FCMR: variants seen among roughly 807,000 people sequenced by gnomAD.
FCMR encodes the protein immunoglobulin mu Fc receptor.
In FCMR, 34 loss-of-function variants were observed where a neutral mutation model predicts 41.6. That is an observed-to-expected ratio of 0.82 (90% CI 0.62 to 1.09). The LOEUF is 1.09. Ranked by LOEUF, FCMR falls within the 50% of genes least tolerant of loss-of-function variation. The pLI is 0.00. For missense variants in FCMR, 496 were observed against 512.5 expected (o/e 0.97, Z 0.31); for synonymous variants, 209 against 211.8 (o/e 0.99, Z 0.12).
intron 1 of FCMR, among the ~76,000 whole-genome samples, chr1:206,915,034 C>A (rs1679127819): frequency 6.6e-6 from 1 of 152,366 alleles, no homozygotes; most frequent in Non-Finnish European, 1.5e-5. Context: ...TATGTTGCAA[C>A]AGGTTTTCCT....
Position 206,909,931 on chromosome 1 carries a change from CA to C in FCMR, c.842-64del. Reference sequence around the variant, plus strand: ...CATCAGAGGCCCGTGCCACCCTCCCCAAACGAAAGGCTGCCTCCTCCCTCGG... The same window carrying C: ...CATCAGAGGCCCGTGCCACCCTCCCCAACGAAAGGCTGCCTCCTCCCTCGG... On this transcript the variant is annotated intron_variant, in intron 5 of 7. Coordinates refer to ENST00000367091, the MANE Select transcript of FCMR (RefSeq NM_005449.5). The surrounding 1 kb of genome is among the most constrained non-coding windows in gnomAD (Gnocchi z 5.0). 1 of 1,361,956 alleles carries C rather than the reference CA, an allele frequency of 7.3e-7. No homozygotes were observed. The highest frequency in any genetic ancestry group is 3.9e-5 in the Admixed American group (1 of 25,400). The allele number at this position is 1,361,956 out of a possible 1,614,324, so 84.4% of individuals were successfully genotyped here.
chr1:206,912,751 G>A (rs545760800), intron 3 of FCMR, among the ~76,000 whole-genome samples, 178 bp downstream of exon 3: 2 of 152,308 alleles, frequency 1.3e-5, no homozygotes, highest in Admixed American at 6.5e-5. Flanking sequence ...CAGGCTTGAA[G>A]GATATGGACC....
intron 7 of FCMR, chr1:206,908,072 T>C: frequency 8.8e-7 from 1 of 1,141,106 alleles, no homozygotes; most frequent in Non-Finnish European, 1.3e-6. Flanking sequence ...TACCAGGCAG[T>C]GATAACCACC....
At chr1:206,917,791 G>A (rs528959888) in intron 1 of FCMR, 13 of 445,308 alleles carry the variant, frequency 2.9e-5, no homozygotes, top group East Asian at 7.1e-5. Flanking sequence ...CATGTGTGGC[G>A]AATTTTTTTT....
chr1:206,916,433 G>A (rs1488723363), intron 1 of FCMR, among the ~76,000 whole-genome samples: 1 of 152,230 alleles, frequency 6.6e-6, no homozygotes, highest in Non-Finnish European at 1.5e-5. Flanking sequence ...GAAGATAGCA[G>A]AGATGGGGTC....
chr1:206,909,841 G>T lies in FCMR; in HGVS notation c.869C>A (p.Ala290Asp), dbSNP rs1353050525. The T allele has an allele frequency of 7.2e-7, 1 of 1,387,436 alleles. No homozygotes were observed. 85.9% of individuals were successfully genotyped at this position (1,387,436 alleles called of 1,614,324 possible). ...GCTCTCCAGGGCGCGCATCCTCACG[G>T]CCAGTCGGCGGGCCCGCCTGGAGAG... ...KALSRRARRL[A>D]VRMRALESSQ... Residue 290 changes from alanine (A) to aspartate (D), a missense_variant, in exon 6 of 8, where the codon GCC becomes GAC. Coordinates refer to ENST00000367091, the MANE Select transcript of FCMR (RefSeq NM_005449.5). This position sits in a 1 kb window ranked among gnomAD's most constrained non-coding sequence, Gnocchi z 5.0.
chr1:206,907,174 T>C (rs1678702109), intron 7 of FCMR, among the ~76,000 whole-genome samples: 1 of 148,360 alleles, frequency 6.7e-6, no homozygotes, highest in South Asian at 2.2e-4. Context: ...CTCTCTTCTT[T>C]GTAGCCAGGC....
intron 7 of FCMR, chr1:206,907,903 C>G: frequency 1.6e-6 from 2 of 1,269,896 alleles, no homozygotes; most frequent in Non-Finnish European, 2.3e-6. Context: ...CAAGTGAGGC[C>G]AGGCCGCCCT....
At chr1:206,917,898 A>T (rs1319373101) in intron 1 of FCMR, 3 of 430,518 alleles carry the variant, frequency 7.0e-6, no homozygotes, top group African/African-American at 4.2e-5. Flanking sequence ...GATTACAGGC[A>T]TGAGTCTCCA....
rs1247433757 is a variant in FCMR at position 206,904,820 on chromosome 1, G to A, written c.*199C>T. On this transcript the variant is annotated 3_prime_UTR_variant, in exon 8 of 8. Transcript: ENST00000367091. Reference sequence around the variant, plus strand: ...CTACAGCTTACCTGTCAACTACAGGGGGCTGCCAAGGTGTGCAAGACGACC... The same window carrying A: ...CTACAGCTTACCTGTCAACTACAGGAGGCTGCCAAGGTGTGCAAGACGACC... 4 of 593,272 alleles carry A rather than the reference G, an allele frequency of 6.7e-6. No homozygotes were observed. The highest frequency in any genetic ancestry group is 2.9e-5 in the Admixed American group (1 of 34,716). 36.8% of individuals were successfully genotyped at this position (593,272 alleles called of 1,614,324 possible).
rs1679038530 is a variant in FCMR, at chr1:206,913,612, G to A, written c.373+147C>T. On this transcript the variant is annotated intron_variant, in intron 2 of 7. Coordinates refer to ENST00000367091, the MANE Select transcript of FCMR (RefSeq NM_005449.5). ...GGACCATGGAGGTAATTGACTATGAGGTTTCATATGGATCTCAATCATTAT... is the reference window on the plus strand; with the variant it reads ...GGACCATGGAGGTAATTGACTATGAAGTTTCATATGGATCTCAATCATTAT... The A allele has an allele frequency of 1.1e-5, 7 of 645,750 alleles. No homozygotes were observed. In the Admixed American group the frequency reaches 1.7e-4, roughly 15 times the overall value. The allele number at this position is 645,750 out of a possible 1,614,324, so 40.0% of individuals were successfully genotyped here. A position where few individuals can be genotyped will look rare whatever the true frequency, so the allele number is the denominator to read the frequency against.
Position 206,916,108 on chromosome 1 carries a change from T to C in FCMR, c.38-2014A>G, listed in dbSNP as rs1572629440. On this transcript the variant is annotated intron_variant, in intron 1 of 7. Transcript: ENST00000367091. The stretch of plus-strand genomic sequence containing the variant: ...CAGATGGACCAGCCAAAACCACGAG[T>C]TCTGACATGGAAACCCTCACATGAA... Among the ~76,000 whole-genome samples, 8 of 151,966 alleles carry C rather than the reference T, an allele frequency of 5.3e-5. No homozygotes were observed. The South Asian group carries it at 1.7e-3, about 32-fold the overall frequency.
rs1678818521 is a variant in FCMR, at chr1:206,909,424, G to C, written c.1044+38C>G. The C allele has an allele frequency of 1.7e-6, 2 of 1,206,192 alleles. No individual in the cohort carries two copies. Among genetic ancestry groups the C allele is most frequent in the Non-Finnish European group, 1.0e-6 (1 of 963,034 alleles). 74.7% of individuals were successfully genotyped at this position (1,206,192 alleles called of 1,614,324 possible). A position where few individuals can be genotyped will look rare whatever the true frequency, so the allele number is the denominator to read the frequency against. On this transcript the variant is annotated intron_variant, in intron 7 of 7. Transcript: ENST00000367091. The surrounding 1 kb of genome is among the most constrained non-coding windows in gnomAD (Gnocchi z 5.0). ...CGCCCAGGGCTGGGGCCGCCCAGTC[G>C]GGCCGCGGCTGCCAATCAGGGCAGG...
chr1:206,910,025 C>G, intron 5 of FCMR, 157 bp from the exon 6 acceptor site: 1 of 1,141,198 alleles, frequency 8.8e-7, no homozygotes, highest in Non-Finnish European at 1.2e-6. Flanking sequence ...CTTGCCCTGC[C>G]CTGAAGACCA....
chr1:206,921,336 C>T (rs1679431345), intron 1 of FCMR: 2 of 403,526 alleles, frequency 5.0e-6, no homozygotes, highest in African/African-American at 2.1e-5. Flanking sequence ...CACAGTGGCT[C>T]ACACCTGTAA....
intron 1 of FCMR, among the ~76,000 whole-genome samples, chr1:206,918,510 C>T (rs1388288586): frequency 1.3e-5 from 2 of 152,090 alleles, no homozygotes; most frequent in Non-Finnish European, 2.9e-5. Flanking sequence ...AAGATATATG[C>T]CAAACTTAGG....
chr1:206,917,410 G>T (rs188459344), intron 1 of FCMR, among the ~76,000 whole-genome samples: 2 of 152,094 alleles, frequency 1.3e-5, no homozygotes, highest in African/African-American at 4.8e-5. Flanking sequence ...ATAGTAACCC[G>T]GGTGTGTCCA....
rs1177540387 is a variant in FCMR at position 206,904,623 on chromosome 1, G to C, written c.*396C>G. The C allele has an allele frequency of 8.9e-6, 2 of 224,952 alleles. No individual in the cohort carries two copies. The highest frequency in any genetic ancestry group is 4.5e-5 in the African/African-American group (2 of 44,770). The allele number at this position is 224,952 out of a possible 1,614,324, so 13.9% of individuals were successfully genotyped here. ...TTGTGTAAGACCCAACCCTGGGAAGGATGCCCGAGACAATAGCTATGCCTC... is the reference window on the plus strand; with the variant it reads ...TTGTGTAAGACCCAACCCTGGGAAGCATGCCCGAGACAATAGCTATGCCTC... On this transcript the variant is annotated 3_prime_UTR_variant, in exon 8 of 8. Coordinates refer to ENST00000367091, the MANE Select transcript of FCMR (RefSeq NM_005449.5).
Position 206,911,875 on chromosome 1 carries a change from G to A in FCMR, c.565C>T (p.Arg189Ter), listed in dbSNP as rs765056259. The change falls in exon 4 of 8, where the codon CGA becomes TGA. Residue 189 changes from arginine to a stop codon, truncating the protein, a stop_gained. Transcript: ENST00000367091. LOFTEE classifies it high-confidence loss of function. ...SPTTQITHRP[R>*]VSRASSVAGD... ...GCTACTGAAGATGCTCTGGACACTC[G>A]AGGGCGGTGGGTGATTTGGGTGGTG... 14 of 1,608,710 alleles carry A rather than the reference G, an allele frequency of 8.7e-6. No individual in the cohort carries two copies. Among genetic ancestry groups the A allele is most frequent in the Non-Finnish European group, 1.2e-5 (14 of 1,178,256 alleles).
Sources: gnomAD v4.1 joint callset for allele counts (sites outside exome capture counted in the v4.1 genomes callset) on GRCh38, gnomAD v4.1.1 for gene constraint, Gnocchi (gnomAD v3.1) non-coding constraint, MANE v1.5 for transcripts, NCBI Gene and HGNC (gene_info 2026-07-23, HGNC 2026-07-21) for gene names.